KCNQ5: variants seen among roughly 807,000 people sequenced by gnomAD.
KCNQ5 encodes potassium voltage-gated channel subfamily Q member 5.
KCNQ5 carries 30 observed loss-of-function variants against 98.2 expected under a neutral mutation model. The ratio of observed to expected loss-of-function variants is 0.31; its 90% CI spans 0.23 to 0.41. The LOEUF is 0.41. KCNQ5 is among the 10% of genes least tolerant of loss of function. The pLI is 1.00. For missense variants in KCNQ5, 835 were observed against 1,182.5 expected (o/e 0.71, Z 4.31); for synonymous variants, 458 against 449.4 (o/e 1.02, Z -0.24).
intron 3 of KCNQ5, among the ~76,000 whole-genome samples, chr6:73,056,452 T>C (rs1772498633): frequency 6.6e-6 from 1 of 152,154 alleles, no homozygotes; most frequent in Non-Finnish European, 1.5e-5. Context: ...ATAACCCTTC[T>C]AAGGGTTTCT....
At chr6:72,869,753 T>C (rs1778130994) in intron 1 of KCNQ5, among the ~76,000 whole-genome samples, 1 of 152,210 alleles carries the variant, frequency 6.6e-6, no homozygotes, top group South Asian at 2.1e-4. Context: ...AGGGATGTTT[T>C]CACTCCTATG....
intron 10 of KCNQ5, among the ~76,000 whole-genome samples, chr6:73,155,981 C>G (rs1777347330): frequency 6.6e-6 from 1 of 152,146 alleles, no homozygotes; most frequent in Non-Finnish European, 1.5e-5. Context: ...GAAGAAAAGT[C>G]CCTAGCCAAG....
intron 1 of KCNQ5, among the ~76,000 whole-genome samples, chr6:72,902,536 G>A (rs553360663): frequency 1.3e-5 from 2 of 152,232 alleles, no homozygotes; most frequent in East Asian, 3.9e-4. Flanking sequence ...GTTTTGTTGA[G>A]AGTTTTAATC....
chr6:72,780,834 G>A (rs929931239), intron 1 of KCNQ5, among the ~76,000 whole-genome samples: 4 of 152,128 alleles, frequency 2.6e-5, no homozygotes, highest in African/African-American at 9.7e-5. Flanking sequence ...ATTATAAGCT[G>A]TCACTTACTC....
intron 1 of KCNQ5, among the ~76,000 whole-genome samples, chr6:72,864,964 G>A (rs907155428): frequency 6.6e-6 from 1 of 152,188 alleles, no homozygotes; most frequent in Non-Finnish European, 1.5e-5. Flanking sequence ...GTCAATATTT[G>A]TACATTGCTT....
At chr6:72,987,358 G>T in intron 1 of KCNQ5, 1 of 719,656 alleles carries the variant, frequency 1.4e-6, no homozygotes, top group Non-Finnish European at 2.6e-6. Context: ...GCCTTGCAAG[G>T]AGAGATCGAT....
chr6:72,760,935 T>C (rs1772238147), intron 1 of KCNQ5, among the ~76,000 whole-genome samples: 1 of 152,202 alleles, frequency 6.6e-6, no homozygotes, highest in Non-Finnish European at 1.5e-5. Flanking sequence ...AAATTCCTAC[T>C]TTGAGTCCAT....
chr6:73,175,800 A>C (rs1004658783), intron 11 of KCNQ5, among the ~76,000 whole-genome samples: 29 of 152,232 alleles, frequency 1.9e-4, no homozygotes, highest in African/African-American at 7.0e-4. Flanking sequence ...TACAATGCAG[A>C]GCAGCATATT....
intron 2 of KCNQ5, among the ~76,000 whole-genome samples, chr6:73,026,480 C>T (rs1384957235): frequency 6.6e-6 from 1 of 152,180 alleles, no homozygotes; most frequent in East Asian, 1.9e-4. Flanking sequence ...AAGGCCTACC[C>T]TGCTCCTATT....
chr6:73,080,081 G>A (rs867346283), intron 5 of KCNQ5, among the ~76,000 whole-genome samples: 2 of 152,104 alleles, frequency 1.3e-5, no homozygotes, highest in Non-Finnish European at 2.9e-5. Context: ...AAAAAGAATT[G>A]CTGTATTGTG....
intron 1 of KCNQ5, among the ~76,000 whole-genome samples, chr6:72,864,651 A>G (rs542551631): frequency 3.1e-4 from 47 of 152,292 alleles, no homozygotes; most frequent in Non-Finnish European, 5.9e-4. Flanking sequence ...CTCAATAATA[A>G]CATCACTACA....
intron 10 of KCNQ5, among the ~76,000 whole-genome samples, chr6:73,138,535 A>T (rs7768173): frequency 6.6e-6 from 1 of 152,198 alleles, no homozygotes; most frequent in African/African-American, 2.4e-5. Context: ...AGTAATTAGC[A>T]TGTTCGTTCC....
chr6:72,955,297 C>T (rs1409356438), intron 1 of KCNQ5, among the ~76,000 whole-genome samples: 3 of 152,136 alleles, frequency 2.0e-5, no homozygotes, highest in African/African-American at 7.2e-5. Context: ...CATGGCAAAA[C>T]ATGAATAAAT....
intron 1 of KCNQ5, among the ~76,000 whole-genome samples, chr6:72,656,775 C>A (rs1484889823): frequency 6.6e-6 from 1 of 151,850 alleles, no homozygotes; most frequent in Non-Finnish European, 1.5e-5. Context: ...AGCATCTTAT[C>A]TCTGGCTCTG....
intron 1 of KCNQ5, among the ~76,000 whole-genome samples, chr6:72,916,658 C>A (rs985115140): frequency 6.6e-6 from 1 of 152,140 alleles, no homozygotes; most frequent in Non-Finnish European, 1.5e-5. Context: ...GTCAGTTCCA[C>A]GGGGGTAGAA....
intron 1 of KCNQ5, among the ~76,000 whole-genome samples, chr6:72,977,843 T>C (rs1471280460): frequency 6.6e-6 from 1 of 152,190 alleles, no homozygotes; most frequent in African/African-American, 2.4e-5. Flanking sequence ...TAATGTAAGT[T>C]CTGTAAGGGC....
chr6:72,627,407 A>G (rs1234404853), intron 1 of KCNQ5, among the ~76,000 whole-genome samples: 2 of 152,198 alleles, frequency 1.3e-5, no homozygotes, highest in Non-Finnish European at 2.9e-5. Flanking sequence ...CCAAAGGCCG[A>G]GGGAAAGCCT....
chr6:73,096,124 T>C (rs1450272931), intron 5 of KCNQ5, among the ~76,000 whole-genome samples: 3 of 151,962 alleles, frequency 2.0e-5, no homozygotes, highest in South Asian at 2.1e-4. Context: ...AGTCCCAAAA[T>C]TGAAGAACTT....
chr6:72,911,126 T>C (rs1779926706), intron 1 of KCNQ5, among the ~76,000 whole-genome samples: 1 of 152,154 alleles, frequency 6.6e-6, no homozygotes, highest in Non-Finnish European at 1.5e-5. Context: ...ACGAGATTTA[T>C]GTTTTGGAAG....
Sources: allele counts gnomAD v4.1 joint callset (sites outside exome capture counted in the v4.1 genomes callset), GRCh38; gene constraint gnomAD v4.1.1; transcripts MANE v1.5; gene names NCBI Gene and HGNC (gene_info 2026-07-23, HGNC 2026-07-21).